Variants in LMX1A observed in about 807,000 individuals in gnomAD.
The protein encoded by LMX1A is LIM homeobox transcription factor 1 alpha, also known as LIM homeobox transcription factor 1-alpha.
Under a neutral mutation model 49.1 loss-of-function variants are expected in LMX1A, and 15 were observed. That is an observed-to-expected ratio of 0.31 (90% CI 0.20 to 0.47). The LOEUF is 0.47. Ranked by LOEUF, LMX1A falls within the 20% of genes least tolerant of loss-of-function variation. The pLI, the probability that LMX1A is intolerant of heterozygous loss-of-function variation, is 1.00. For missense variants in LMX1A, 372 were observed against 475.8 expected, an observed-to-expected ratio of 0.78 and a Z score of 2.03; for synonymous variants, 167 against 185.7, an observed-to-expected ratio of 0.90 and a Z score of 0.82.
intron 3 of LMX1A, among the ~76,000 whole-genome samples, chr1:165,314,296 C>T (rs1255033760): frequency 6.6e-6 from 1 of 152,228 alleles, no homozygotes; most frequent in African/African-American, 2.4e-5. Flanking sequence ...CCCTACCCTC[C>T]TGGAACCAGC....
chr1:165,304,233 A>G (rs1654861339), intron 3 of LMX1A, among the ~76,000 whole-genome samples: 1 of 152,128 alleles, frequency 6.6e-6, no homozygotes, highest in Admixed American at 6.5e-5. Flanking sequence ...TGGGATCAGA[A>G]AGCCCATGGT....
chr1:165,220,982 A>C (rs1342983150), intron 4 of LMX1A, among the ~76,000 whole-genome samples: 3 of 152,202 alleles, frequency 2.0e-5, no homozygotes, highest in Admixed American at 1.3e-4. Flanking sequence ...GCATCACTTT[A>C]TAATTGCATT....
intron 3 of LMX1A, among the ~76,000 whole-genome samples, chr1:165,313,046 T>A (rs749196742): frequency 1.1e-4 from 17 of 152,198 alleles, no homozygotes; most frequent in Non-Finnish European, 1.5e-4. Context: ...GGCATTCTTG[T>A]CTAATGACCT....
chr1:165,298,068 G>C (rs1480473481), intron 3 of LMX1A, among the ~76,000 whole-genome samples: 1 of 152,228 alleles, frequency 6.6e-6, no homozygotes, highest in Non-Finnish European at 1.5e-5. Flanking sequence ...TACAGGACTT[G>C]AAAGAAATAA....
At chr1:165,318,704 C>T (rs371309509) in intron 3 of LMX1A, among the ~76,000 whole-genome samples, 1 of 152,050 alleles carries the variant, frequency 6.6e-6, no homozygotes, top group East Asian at 1.9e-4. Context: ...TACCCTTCAC[C>T]TTTTGGCCCT....
intron 3 of LMX1A, among the ~76,000 whole-genome samples, chr1:165,256,502 T>C (rs561402273): frequency 1.3e-4 from 20 of 152,276 alleles, no homozygotes; most frequent in African/African-American, 4.8e-4. Context: ...CTCCAGATAG[T>C]GTTTTACCAT....
chr1:165,249,431 A>T lies in LMX1A; in HGVS notation c.473T>A (p.Val158Glu). ...ACCTGAGTCTGAGGCTGCTGGGCTC[A>T]CCAGGCTGAGCAGCTCCCGCTCCTT... is the stretch of plus-strand genomic sequence containing the variant. ...YEKERELLSLVSPAASDSGKS... is the reference protein window; with the variant it reads ...YEKERELLSLESPAASDSGKS... The change falls in exon 4 of 9, where the codon GTG becomes GAG. Residue 158 changes from valine to glutamate, a missense_variant. Physicochemically the swap from Val to Glu is moderately radical, Grantham distance 121. Around this residue, in one of 3 missense-constraint regions of LMX1A, gnomAD observed 199 missense variants for 244.0 expected, o/e 0.82. Coordinates refer to ENST00000342310, the MANE Select transcript of LMX1A (RefSeq NM_177398.4). 1 of 1,614,060 alleles carries T rather than the reference A, an allele frequency of 6.2e-7. No homozygotes were observed. Among genetic ancestry groups the T allele is most frequent in the South Asian group, 1.1e-5 (1 of 91,080 alleles).
chr1:165,246,800 A>C (rs1439113602), intron 4 of LMX1A, among the ~76,000 whole-genome samples: 2 of 152,210 alleles, frequency 1.3e-5, no homozygotes, highest in African/African-American at 4.8e-5. Context: ...CCCCATCCCC[A>C]CATCATTCTT....
chr1:165,237,758 T>C (rs1214922380), intron 4 of LMX1A, among the ~76,000 whole-genome samples: 5 of 152,212 alleles, frequency 3.3e-5, no homozygotes, highest in Non-Finnish European at 7.3e-5. Context: ...TTGAGGGTTT[T>C]CCTTGGTCAC....
intron 5 of LMX1A, among the ~76,000 whole-genome samples, chr1:165,211,535 G>A (rs1651393134): frequency 6.6e-6 from 1 of 152,220 alleles, no homozygotes. Flanking sequence ...GACCTCTCTT[G>A]ATTAGATCCT....
chr1:165,305,107 G>A lies in LMX1A; in HGVS notation c.263+47969C>T, dbSNP rs186795246. On this transcript the variant is annotated intron_variant, in intron 3 of 8. Coordinates refer to ENST00000342310, the MANE Select transcript of LMX1A (RefSeq NM_177398.4). Reference sequence around the variant, plus strand: ...GTGTCTGTCTCTCTTGCGTGTGTATGTCTGTGTGTCTCAGGTGCCCAGCAC... The same window carrying A: ...GTGTCTGTCTCTCTTGCGTGTGTATATCTGTGTGTCTCAGGTGCCCAGCAC... Among the ~76,000 whole-genome samples the A allele has an allele frequency of 5.1e-3, 772 of 152,308 alleles. 6 individuals carry two copies. Among genetic ancestry groups the A allele is most frequent in the Admixed American group, 0.012 (185 of 15,296 alleles).
At chr1:165,284,888 G>A (rs1241624871) in intron 3 of LMX1A, among the ~76,000 whole-genome samples, 2 of 152,192 alleles carry the variant, frequency 1.3e-5, no homozygotes, top group Non-Finnish European at 2.9e-5. Context: ...GCCTGCAATA[G>A]CCGCCAGAAC....
chr1:165,293,072 G>A (rs1654522090), intron 3 of LMX1A, among the ~76,000 whole-genome samples: 1 of 150,956 alleles, frequency 6.6e-6, no homozygotes, highest in Non-Finnish European at 1.5e-5. Context: ...AGCCGAGATT[G>A]CACCATTGTA....
intron 3 of LMX1A, among the ~76,000 whole-genome samples, chr1:165,346,571 T>C (rs1182225482): frequency 2.6e-5 from 4 of 152,220 alleles, no homozygotes; most frequent in Non-Finnish European, 5.9e-5. Context: ...TTCAAAATCC[T>C]TTTTTAACTA....
intron 3 of LMX1A, among the ~76,000 whole-genome samples, chr1:165,317,002 T>A (rs765363334): frequency 6.6e-6 from 1 of 152,170 alleles, no homozygotes; most frequent in Non-Finnish European, 1.5e-5. Flanking sequence ...GATAGGATTA[T>A]TTACGGAACT....
chr1:165,249,414 C>T lies in LMX1A; in HGVS notation c.490G>A (p.Asp164Asn). 3.7e-6 allele frequency: 6 copies of T among 1,613,264 alleles called. No individual in the cohort carries two copies. The highest frequency in any genetic ancestry group is 5.1e-6 in the Non-Finnish European group (6 of 1,179,174). The change falls in exon 4 of 9, where the codon GAC becomes AAC. Residue 164 changes from aspartate (D) to asparagine (N), a missense_variant. Physicochemically the swap from Asp to Asn is conservative, Grantham distance 23. This residue lies in a region of LMX1A where 199 missense variants were observed against 244.0 expected (regional missense o/e 0.82). Transcript: ENST00000342310. ...LLSLVSPAAS[D>N]SGKSDDEESL... ...CCCACCACCTGGCACTCACCTGAGT[C>T]TGAGGCTGCTGGGCTCACCAGGCTG...
chr1:165,251,511 A>G (rs1269192335), intron 3 of LMX1A, among the ~76,000 whole-genome samples: 2 of 152,310 alleles, frequency 1.3e-5, no homozygotes, highest in South Asian at 2.1e-4. Flanking sequence ...CAGGACTCAT[A>G]CAGCAGAGGT....
intron 3 of LMX1A, among the ~76,000 whole-genome samples, chr1:165,346,859 ACCAGGG>A (rs1656261682): frequency 6.6e-6 from 1 of 152,236 alleles, no homozygotes; most frequent in Non-Finnish European, 1.5e-5. Context: ...GTTAATTAAC[ACCAGGG>A]CCATAGCAAT....
At position 165,355,358 on chromosome 1, in the gene LMX1A, T is replaced by C; in HGVS notation, c.76+126A>G. 3.6e-6 allele frequency: 3 copies of C among 840,436 alleles called. No individual in the cohort carries two copies. Among genetic ancestry groups the C allele is most frequent in the Non-Finnish European group, 5.7e-6 (3 of 522,938 alleles). 52.1% of individuals were successfully genotyped at this position (840,436 alleles called of 1,614,324 possible). The stretch of plus-strand genomic sequence containing the variant: ...ACTGACGGACAGATAGTGATGGGGC[T>C]CAATTTAGTGTATGAAGAGGGGCGC... On this transcript the variant is annotated intron_variant, in intron 2 of 8. Transcript: ENST00000342310. This position sits in a 1 kb window ranked among gnomAD's most constrained non-coding sequence, Gnocchi z 4.7.
Sources: gnomAD v4.1 joint callset for allele counts (sites outside exome capture counted in the v4.1 genomes callset) on GRCh38, gnomAD v4.1.1 for gene constraint, gnomAD v4.1.1 regional missense constraint, Gnocchi (gnomAD v3.1) non-coding constraint, MANE v1.5 for transcripts, NCBI Gene and HGNC (gene_info 2026-07-23, HGNC 2026-07-21) for gene names.